Variants in UBXN2B observed in about 807,000 individuals in gnomAD.
UBXN2B encodes UBX domain-containing protein 2B.
In UBXN2B, 19 loss-of-function variants were observed where a neutral mutation model predicts 37.5. The observed-to-expected ratio is 0.51, with a 90% CI of 0.35 to 0.74. UBXN2B has a LOEUF of 0.74. Ranked by LOEUF, UBXN2B falls within the 30% of genes least tolerant of loss-of-function variation. The probability of loss-of-function intolerance (pLI) is 0.01; values close to 1 mark genes in which losing one functional copy is unlikely to be tolerated. For missense variants in UBXN2B, 370 were observed against 393.2 expected, an observed-to-expected ratio of 0.94 and a Z score of 0.50; for synonymous variants, 145 against 143.8, an observed-to-expected ratio of 1.01 and a Z score of -0.06.
At chr8:58,437,994 A>C (rs1192967352) in intron 5 of UBXN2B, among the ~76,000 whole-genome samples, 1 of 149,224 alleles carries the variant, frequency 6.7e-6, no homozygotes, top group East Asian at 2.1e-4. Flanking sequence ...CCTAGGAGAA[A>C]AGTGTAGTTT....
chr8:58,430,655 G>A lies in UBXN2B; in HGVS notation c.325G>A (p.Asp109Asn). The A allele has an allele frequency of 6.4e-7, 1 of 1,567,514 alleles. No individual in the cohort carries two copies. The change falls in exon 3 of 8, where the codon GAT (aspartate) becomes AAT (asparagine). Residue 109 changes from aspartate to asparagine, a missense_variant. Coordinates refer to ENST00000399598, the MANE Select transcript of UBXN2B (RefSeq NM_001077619.2). ...PLNEATRASGDDKSKSFTGGG... is the reference protein window; with the variant it reads ...PLNEATRASGNDKSKSFTGGG... ...GAATGAAGCCACAAGAGCTTCAGGTGATGATAAATCTAAGGTCAGTGCTCA... is the reference window on the plus strand; with the variant it reads ...GAATGAAGCCACAAGAGCTTCAGGTAATGATAAATCTAAGGTCAGTGCTCA...
intron 3 of UBXN2B, among the ~76,000 whole-genome samples, chr8:58,432,375 C>CGTTTTTTTTTTTTT (rs1554552059): frequency 1.2e-5 from 1 of 81,520 alleles, no homozygotes; most frequent in Non-Finnish European, 2.1e-5. Context: ...TTCTAAATTT[C>CGTTTTTTTTTTTTT]TTTTTTTTTT....
At chr8:58,421,183 C>T (rs756504728) in intron 2 of UBXN2B, among the ~76,000 whole-genome samples, 8 of 152,052 alleles carry the variant, frequency 5.3e-5, no homozygotes, top group Admixed American at 1.3e-4. Flanking sequence ...ACTGTTTCCC[C>T]GAAGCAACTG....
In UBXN2B at chr8:58,447,576, A is replaced by G. The variant is rs1187224490; in HGVS notation, c.*25A>G. ...ATATTGTTCCTGTCCATGCAGTAGCATGTGGGAATAGATGATGTGCCGTAT... is the reference window on the plus strand; with the variant it reads ...ATATTGTTCCTGTCCATGCAGTAGCGTGTGGGAATAGATGATGTGCCGTAT... On this transcript the variant is annotated 3_prime_UTR_variant, in exon 8 of 8. Coordinates refer to ENST00000399598, the MANE Select transcript of UBXN2B (RefSeq NM_001077619.2). The G allele has an allele frequency of 6.4e-7, 1 of 1,562,538 alleles. No homozygotes were observed. The highest frequency in any genetic ancestry group is 1.3e-5 in the African/African-American group (1 of 74,168).
At chr8:58,442,191 G>C (rs1369063643) in intron 6 of UBXN2B, among the ~76,000 whole-genome samples, 3 of 152,210 alleles carry the variant, frequency 2.0e-5, no homozygotes, top group South Asian at 4.1e-4. Context: ...AGCTGCAAGA[G>C]AGTCTGGGAG....
chr8:58,416,245 T>C (rs890631058), intron 1 of UBXN2B, among the ~76,000 whole-genome samples: 9 of 152,086 alleles, frequency 5.9e-5, no homozygotes, highest in Non-Finnish European at 1.2e-4. Flanking sequence ...TAATTTTATT[T>C]CATTTTGAAA....
At chr8:58,433,364 T>A in intron 4 of UBXN2B, 121 bp downstream of exon 4, 1 of 718,590 alleles carries the variant, frequency 1.4e-6, no homozygotes, top group Non-Finnish European at 2.2e-6. Context: ...AAACATGGGT[T>A]AAAAGGACCA....
chr8:58,426,122 G>A, intron 2 of UBXN2B: 3 of 1,265,824 alleles, frequency 2.4e-6, no homozygotes, highest in Non-Finnish European at 2.3e-6. Flanking sequence ...GTGATGTTCT[G>A]TGTAATGCCG....
At chr8:58,414,251 G>C (rs1807714454) in intron 1 of UBXN2B, among the ~76,000 whole-genome samples, 1 of 152,168 alleles carries the variant, frequency 6.6e-6, no homozygotes, top group Non-Finnish European at 1.5e-5. Context: ...AGAGATTGCT[G>C]GGCCCTACCC....
chr8:58,434,980 ACTCAGATATTCAGTGCT>A, intron 5 of UBXN2B: 1 of 1,534,116 alleles, frequency 6.5e-7, no homozygotes, highest in Non-Finnish European at 8.7e-7. Flanking sequence ...GTGAAAGTAA[ACTCAGATATTCAGTGCT>A]CTCACCCATC....
chr8:58,425,088 C>T (rs1006999935), intron 2 of UBXN2B: 1 of 787,286 alleles, frequency 1.3e-6, no homozygotes, highest in African/African-American at 1.7e-5. Flanking sequence ...GGTCAATGGG[C>T]ACTCCGTGGT....
chr8:58,422,198 A>C (rs1260394797), intron 2 of UBXN2B, among the ~76,000 whole-genome samples: 1 of 152,234 alleles, frequency 6.6e-6, no homozygotes, highest in East Asian at 1.9e-4. Context: ...GAATACCTTT[A>C]GGCCACACCC....
chr8:58,433,921 G>T (rs981423103), intron 4 of UBXN2B, among the ~76,000 whole-genome samples: 12 of 152,142 alleles, frequency 7.9e-5, no homozygotes, highest in Non-Finnish European at 1.3e-4. Context: ...TGAAATTTTG[G>T]AGTTTTAATT....
Position 58,444,878 on chromosome 8 carries a change from G to A in UBXN2B, c.672-1029G>A, listed in dbSNP as rs146699565. 3.6e-3 allele frequency among the ~76,000 whole-genome samples: 549 copies of A among 152,268 alleles called. 6 individuals carry two copies. Among genetic ancestry groups the A allele is most frequent in the African/African-American group, 0.013 (522 of 41,546 alleles). On this transcript the variant is annotated intron_variant, in intron 6 of 7. Transcript: ENST00000399598. ...TACCAGGTAATTTTATCACTTTACT[G>A]TGTACTCTGAGAGAGAAGCTTTTTG...
chr8:58,419,045 A>G (rs1807856642), intron 2 of UBXN2B, among the ~76,000 whole-genome samples: 1 of 152,226 alleles, frequency 6.6e-6, no homozygotes, highest in Non-Finnish European at 1.5e-5. Flanking sequence ...TGCTGTGATT[A>G]ATAGGTATAA....
At chr8:58,436,925 C>G (rs1010257294) in intron 5 of UBXN2B, among the ~76,000 whole-genome samples, 1 of 152,158 alleles carries the variant, frequency 6.6e-6, no homozygotes, top group Non-Finnish European at 1.5e-5. Context: ...TCCTTTATAG[C>G]AGTACAAACA....
At chr8:58,437,318 CTTTTTTTTTTT>C (rs773987509) in intron 5 of UBXN2B, among the ~76,000 whole-genome samples, 7 of 74,264 alleles carry the variant, frequency 9.4e-5, no homozygotes, top group African/African-American at 2.2e-4. Flanking sequence ...GAAGAAATTT[CTTTTTTTTTTT>C]TTTTTTTTTT....
intron 1 of UBXN2B, among the ~76,000 whole-genome samples, 165 bp downstream of exon 1, chr8:58,411,634 G>C (rs757804014): frequency 1.3e-5 from 2 of 152,208 alleles, no homozygotes; most frequent in Non-Finnish European, 2.9e-5. Flanking sequence ...TCTTGACACT[G>C]TGGTGGTCGT....
chr8:58,441,184 G>A (rs7830535), intron 6 of UBXN2B, among the ~76,000 whole-genome samples: 29,938 of 151,040 alleles, frequency 0.2, 3,133 homozygotes, highest in Middle Eastern at 0.28. Flanking sequence ...GTAGAGACAC[G>A]TGTCTTACTA....
Sources: allele counts gnomAD v4.1 joint callset (sites outside exome capture counted in the v4.1 genomes callset), GRCh38; gene constraint gnomAD v4.1.1; transcripts MANE v1.5; gene names NCBI Gene and HGNC (gene_info 2026-07-23, HGNC 2026-07-21).